Variants in ATP8B4 observed in about 807,000 individuals in gnomAD.
ATP8B4 encodes the protein probable phospholipid-transporting ATPase IM.
ATP8B4 carries 133 observed loss-of-function variants against 145.6 expected under a neutral mutation model. The ratio of observed to expected loss-of-function variants is 0.91; its 90% CI spans 0.79 to 1.05. The LOEUF (loss-of-function observed/expected upper bound fraction) is 1.05. Ranked by LOEUF, ATP8B4 falls within the 50% of genes least tolerant of loss-of-function variation. The probability of loss-of-function intolerance (pLI) is 0.00; values close to 1 mark genes in which losing one functional copy is unlikely to be tolerated. For synonymous variants in ATP8B4, 507 were observed against 492.9 expected, an observed-to-expected ratio of 1.03 and a Z score of -0.38; for missense variants, 1,458 against 1,425.2, an observed-to-expected ratio of 1.02 and a Z score of -0.37.
intron 9 of ATP8B4, among the ~76,000 whole-genome samples, chr15:49,993,971 T>C (rs1186600371): frequency 6.6e-6 from 1 of 152,184 alleles, no homozygotes; most frequent in Non-Finnish European, 1.5e-5. Flanking sequence ...AAGTCATATC[T>C]AGTAAGTAAT....
chr15:50,129,606 C>T (rs1281067378), intron 1 of ATP8B4, among the ~76,000 whole-genome samples: 1 of 152,120 alleles, frequency 6.6e-6, no homozygotes, highest in African/African-American at 2.4e-5. Flanking sequence ...GCAAAGACTC[C>T]ATTTCCAAGT....
At chr15:50,044,340 A>C (rs534313338) in intron 5 of ATP8B4, among the ~76,000 whole-genome samples, 1 of 152,226 alleles carries the variant, frequency 6.6e-6, no homozygotes, top group Non-Finnish European at 1.5e-5. Flanking sequence ...TTAGCAAATC[A>C]CTAGCTCTTT....
At chr15:50,125,429 A>T (rs1433152448) in intron 1 of ATP8B4, among the ~76,000 whole-genome samples, 3 of 152,182 alleles carry the variant, frequency 2.0e-5, no homozygotes, top group Non-Finnish European at 4.4e-5. Context: ...GTCCAAGATC[A>T]AAGGAGTTCA....
intron 6 of ATP8B4, among the ~76,000 whole-genome samples, chr15:50,035,953 C>T (rs1475567295): frequency 6.6e-6 from 1 of 152,214 alleles, no homozygotes; most frequent in Non-Finnish European, 1.5e-5. Flanking sequence ...ATGTGACACC[C>T]ACCCCAGCAA....
At chr15:50,017,479 A>T (rs922696963) in intron 6 of ATP8B4, among the ~76,000 whole-genome samples, 3 of 152,184 alleles carry the variant, frequency 2.0e-5, no homozygotes, top group African/African-American at 7.2e-5. Flanking sequence ...GCAAATAATT[A>T]TCCTCTTTTT....
chr15:49,925,096 GT>G (rs1418563464), intron 16 of ATP8B4, among the ~76,000 whole-genome samples: 27 of 151,818 alleles, frequency 1.8e-4, no homozygotes, highest in Non-Finnish European at 2.8e-4. Context: ...ATTCTAAAAA[GT>G]TTTTTTAAGT....
At chr15:50,126,971 T>C (rs1179460895) in intron 1 of ATP8B4, among the ~76,000 whole-genome samples, 1 of 152,192 alleles carries the variant, frequency 6.6e-6, no homozygotes, top group Non-Finnish European at 1.5e-5. Context: ...TCTAAATTTC[T>C]TCCTGAGGGG....
intron 23 of ATP8B4, among the ~76,000 whole-genome samples, chr15:49,884,371 C>T (rs1413720179): frequency 6.6e-6 from 1 of 152,020 alleles, no homozygotes; most frequent in Non-Finnish European, 1.5e-5. Context: ...GGGGTCGAGG[C>T]TAGTGGATCA....
chr15:49,911,777 TA>T (rs2039256424), intron 20 of ATP8B4, among the ~76,000 whole-genome samples: 1 of 152,140 alleles, frequency 6.6e-6, no homozygotes. Flanking sequence ...GTATAGATCA[TA>T]AGTTAGGCCT....
intron 20 of ATP8B4, among the ~76,000 whole-genome samples, chr15:49,911,708 A>AT (rs1404921465): frequency 4.6e-5 from 7 of 152,166 alleles, no homozygotes; most frequent in African/African-American, 1.7e-4. Context: ...TCCACAGGAC[A>AT]TTTTATCCAA....
At chr15:50,016,473 A>G (rs559875479) in intron 6 of ATP8B4, among the ~76,000 whole-genome samples, 1 of 152,292 alleles carries the variant, frequency 6.6e-6, no homozygotes, top group East Asian at 1.9e-4. Flanking sequence ...TAAGAGGTTG[A>G]TTGGCAAGTT....
chr15:49,979,527 C>A (rs2045973843), intron 12 of ATP8B4, 90 bp downstream of exon 12: 4 of 1,089,000 alleles, frequency 3.7e-6, no homozygotes, highest in Non-Finnish European at 5.0e-6. Context: ...AGCAAGACAT[C>A]TATTGCACTG....
At chr15:50,123,912 T>C (rs1248911861), upstream of ATP8B4, among the ~76,000 whole-genome samples, 1 of 152,060 alleles carries the variant, frequency 6.6e-6, no homozygotes, top group Non-Finnish European at 1.5e-5. Context: ...AAACAGACAT[T>C]TTAAAGGGAT....
chr15:49,864,267 C>T (rs73396925), intron 26 of ATP8B4, among the ~76,000 whole-genome samples: 1,707 of 152,292 alleles, frequency 0.011, 38 homozygotes, highest in African/African-American at 0.038. Flanking sequence ...AATTGAATTA[C>T]AATTTCAGGT....
At chr15:50,114,693 G>A (rs116045437) in intron 1 of ATP8B4, among the ~76,000 whole-genome samples, 1,532 of 152,294 alleles carry the variant, frequency 0.01, 24 homozygotes, top group African/African-American at 0.035. Context: ...TGGACAATCA[G>A]AGTAACTCAT....
intron 23 of ATP8B4, among the ~76,000 whole-genome samples, chr15:49,892,298 T>C (rs1407690223): frequency 6.6e-6 from 1 of 152,134 alleles, no homozygotes; most frequent in Non-Finnish European, 1.5e-5. Flanking sequence ...ATTGTAGTAG[T>C]ATAAAAGTTG....
chr15:49,974,692 A>C (rs2045517346), intron 12 of ATP8B4, among the ~76,000 whole-genome samples: 1 of 152,040 alleles, frequency 6.6e-6, no homozygotes, highest in South Asian at 2.1e-4. Flanking sequence ...GTTTTTATTG[A>C]TATTTTCCTT....
rs116312551 is a variant in ATP8B4, at chr15:50,038,816, C to T, written c.314G>A (p.Ser105Asn). The change falls in exon 6 of 28, where the codon AGT becomes AAT. Residue 105 changes from serine to asparagine, a missense_variant. Transcript: ENST00000284509. ...CTGCCGATTATTCACTTGATTATCA[C>T]TCTTGTGGCGAAACTGAAAAATCAA... The part of the protein sequence containing the change: ...DATDDYFRHK[S>N]DNQVNNRQSE... The T allele has an allele frequency of 1.1e-3, 1,771 of 1,613,568 alleles. 12 individuals carry two copies. The African/African-American group carries it at 0.021, about 19-fold the overall frequency.
intron 5 of ATP8B4, among the ~76,000 whole-genome samples, chr15:50,039,607 T>C (rs1478288502): frequency 1.3e-5 from 2 of 152,186 alleles, no homozygotes; most frequent in Non-Finnish European, 2.9e-5. Context: ...CCATTAGTAA[T>C]AGGCTATAAT....
Sources: gnomAD v4.1 joint callset for allele counts (sites outside exome capture counted in the v4.1 genomes callset) on GRCh38, gnomAD v4.1.1 for gene constraint, MANE v1.5 for transcripts, NCBI Gene and HGNC (gene_info 2026-07-23, HGNC 2026-07-21) for gene names.